CAMK1D: variants seen among roughly 807,000 people sequenced by gnomAD.
The protein encoded by CAMK1D is calcium/calmodulin-dependent protein kinase type 1D.
A neutral mutation model predicts 47.7 loss-of-function variants in CAMK1D; 9 were observed. That is an observed-to-expected ratio of 0.19 (90% CI 0.11 to 0.33). The LOEUF (loss-of-function observed/expected upper bound fraction) is 0.33. Among genes scored for constraint, CAMK1D ranks in the 10% least tolerant of loss-of-function variants. The probability of loss-of-function intolerance (pLI) is 1.00; values close to 1 mark genes in which losing one functional copy is unlikely to be tolerated. For synonymous variants in CAMK1D, 184 were observed against 184.9 expected (o/e 0.99, Z 0.04); for missense variants, 291 against 488.7 (o/e 0.60, Z 3.81).
At chr10:12,751,573 C>T (rs1245206135) in intron 3 of CAMK1D, among the ~76,000 whole-genome samples, 2 of 152,176 alleles carry the variant, frequency 1.3e-5, no homozygotes, top group South Asian at 4.1e-4. Flanking sequence ...GGAGCCTGAC[C>T]CAGCTAACTC....
At chr10:12,803,479 C>T (rs1039876417) in intron 6 of CAMK1D, among the ~76,000 whole-genome samples, 4 of 151,940 alleles carry the variant, frequency 2.6e-5, no homozygotes, top group Non-Finnish European at 4.4e-5. Context: ...GTCAGGAGTT[C>T]GAGACCAGCC....
chr10:12,628,861 G>A (rs1839299524), intron 2 of CAMK1D, among the ~76,000 whole-genome samples: 1 of 152,076 alleles, frequency 6.6e-6, no homozygotes, highest in Non-Finnish European at 1.5e-5. Flanking sequence ...TTTCTATAAG[G>A]TCATATAATG....
At chr10:12,746,427 A>G (rs1485818940) in intron 3 of CAMK1D, among the ~76,000 whole-genome samples, 2 of 152,094 alleles carry the variant, frequency 1.3e-5, no homozygotes, top group Non-Finnish European at 2.9e-5. Flanking sequence ...CATTTTAGAA[A>G]AGCTTGCCAG....
rs1588768780 is a variant in CAMK1D at position 12,674,199 on chromosome 10, CA to C, written c.299+7392del. ...ACCTCAAGCAATCCTCCCAGTCTCC[CA>C]AAGTGTTGGGATATGTGAGCCACTG... On this transcript the variant is annotated intron_variant, in intron 3 of 10. Coordinates refer to ENST00000619168, the MANE Select transcript of CAMK1D (RefSeq NM_153498.4). Among the ~76,000 whole-genome samples the C allele has an allele frequency of 2.0e-5, 3 of 152,346 alleles. No individual in the cohort carries two copies. In the East Asian group the frequency reaches 5.8e-4, roughly 29 times the overall value.
chr10:12,479,721 C>T (rs544474199), intron 1 of CAMK1D, among the ~76,000 whole-genome samples: 7 of 152,290 alleles, frequency 4.6e-5, no homozygotes, highest in South Asian at 2.1e-4. Flanking sequence ...CCAGGAGGCA[C>T]GGGTAGGTTC....
intron 1 of CAMK1D, among the ~76,000 whole-genome samples, chr10:12,464,444 G>T (rs1833530674): frequency 2.6e-5 from 4 of 152,262 alleles, no homozygotes; most frequent in African/African-American, 7.2e-5. Context: ...TGATCGTGTG[G>T]CTTTACCTAC....
chr10:12,657,487 C>G (rs1840152492), intron 2 of CAMK1D, among the ~76,000 whole-genome samples: 1 of 147,474 alleles, frequency 6.8e-6, no homozygotes, highest in Admixed American at 6.8e-5. Context: ...TTGGGCAATA[C>G]AACAGTTTAG....
At chr10:12,538,425 T>A (rs551027967) in intron 1 of CAMK1D, among the ~76,000 whole-genome samples, 1 of 152,282 alleles carries the variant, frequency 6.6e-6, no homozygotes, top group African/African-American at 2.4e-5. Flanking sequence ...TTGTGAGATG[T>A]ATCTGATTGA....
intron 3 of CAMK1D, among the ~76,000 whole-genome samples, chr10:12,697,565 A>G (rs1833346560): frequency 6.6e-6 from 1 of 152,086 alleles, no homozygotes; most frequent in Non-Finnish European, 1.5e-5. Flanking sequence ...TGCCTGGCTA[A>G]TTTTTGGATC....
At chr10:12,427,700 G>GTTTTTTTTTTTTTT (rs768000055) in intron 1 of CAMK1D, among the ~76,000 whole-genome samples, 772 of 31,008 alleles carry the variant, frequency 0.025, 249 homozygotes, top group Non-Finnish European at 0.028. Flanking sequence ...TGAACTTACT[G>GTTTTTTTTTTTTTT]TTTTTTTTTT....
rs966643864 is a variant in CAMK1D at position 12,830,428 on chromosome 10, G to A, written c.*1541G>A. On this transcript the variant is annotated 3_prime_UTR_variant, in exon 11 of 11. Transcript: ENST00000619168. ...ACCACCTCCGCCAGGCCCAGCCAGT[G>A]CTTGCAGCCCTCCCATTGGTCAGGG... 6 of 152,542 alleles carry A rather than the reference G, an allele frequency of 3.9e-5. No homozygotes were observed. The highest frequency in any genetic ancestry group is 1.2e-4 in the African/African-American group (5 of 41,418). 9.4% of individuals were successfully genotyped at this position (152,542 alleles called of 1,614,324 possible).
chr10:12,515,547 T>C (rs7898683), intron 1 of CAMK1D, among the ~76,000 whole-genome samples: 2 of 118,212 alleles, frequency 1.7e-5, no homozygotes, highest in Admixed American at 9.8e-5. Flanking sequence ...TAGGTATATC[T>C]CCCAATGCTA....
At position 12,769,388 on chromosome 10, in the gene CAMK1D, A is replaced by G. The variant is rs76485031; in HGVS notation, c.439-285A>G. Reference sequence around the variant, plus strand: ...CGTAAATCCACAAGTCTGCAAAGCAATCGGCTTTCTAGATTGCCTCAGAAT... The same window carrying G: ...CGTAAATCCACAAGTCTGCAAAGCAGTCGGCTTTCTAGATTGCCTCAGAAT... On this transcript the variant is annotated intron_variant, in intron 4 of 10. Transcript: ENST00000619168. 5.2e-3 allele frequency among the ~76,000 whole-genome samples: 799 copies of G among 152,324 alleles called. 7 individuals carry two copies. The highest frequency in any genetic ancestry group is 0.018 in the African/African-American group (728 of 41,566).
At chr10:12,559,598 T>C (rs542190831) in intron 2 of CAMK1D, among the ~76,000 whole-genome samples, 9 of 152,100 alleles carry the variant, frequency 5.9e-5, no homozygotes, top group Non-Finnish European at 1.0e-4. Flanking sequence ...GAGGCTTCAT[T>C]GAGAGGAGCG....
chr10:12,408,014 C>G (rs146088788), intron 1 of CAMK1D, among the ~76,000 whole-genome samples: 5 of 151,976 alleles, frequency 3.3e-5, no homozygotes, highest in Non-Finnish European at 7.4e-5. Flanking sequence ...TGTCCCACCA[C>G]GCCCAGCTAA....
intron 1 of CAMK1D, among the ~76,000 whole-genome samples, chr10:12,513,080 C>A (rs78179519): frequency 6.6e-6 from 1 of 152,268 alleles, no homozygotes; most frequent in East Asian, 1.9e-4. Context: ...AAAGGGGATC[C>A]GTCTTTGTCA....
At chr10:12,688,729 G>T (rs1341909414) in intron 3 of CAMK1D, among the ~76,000 whole-genome samples, 2 of 152,032 alleles carry the variant, frequency 1.3e-5, no homozygotes, top group Non-Finnish European at 2.9e-5. Context: ...TTGTCGCCCA[G>T]GCTGGAGTGC....
chr10:12,604,519 T>C (rs1439673668), intron 2 of CAMK1D, among the ~76,000 whole-genome samples: 4 of 152,196 alleles, frequency 2.6e-5, no homozygotes, highest in East Asian at 3.8e-4. Flanking sequence ...TGGAGAACTT[T>C]CCAGAAGTAC....
In CAMK1D at chr10:12,831,666, C is replaced by T. The variant is rs1041536432; in HGVS notation, c.*2779C>T. ...GTCACACGCCGGGTCTCAACAACATCGTGCGAGGAGACAGTGACTGGTTTC... is the reference window on the plus strand; with the variant it reads ...GTCACACGCCGGGTCTCAACAACATTGTGCGAGGAGACAGTGACTGGTTTC... On this transcript the variant is annotated 3_prime_UTR_variant, in exon 11 of 11. Coordinates refer to ENST00000619168, the MANE Select transcript of CAMK1D (RefSeq NM_153498.4). 2 of 152,180 alleles carry T rather than the reference C, an allele frequency of 1.3e-5. No homozygotes were observed. The highest frequency in any genetic ancestry group is 4.1e-4 in the South Asian group (2 of 4,834). The allele number at this position is 152,180 out of a possible 1,614,324, so 9.4% of individuals were successfully genotyped here.
Sources: gnomAD v4.1 joint callset for allele counts (sites outside exome capture counted in the v4.1 genomes callset) on GRCh38, gnomAD v4.1.1 for gene constraint, MANE v1.5 for transcripts, NCBI Gene and HGNC (gene_info 2026-07-23, HGNC 2026-07-21) for gene names.